The following DNM2 variants were observed in gnomAD, a reference collection of about 807,000 sequenced individuals.
DNM2 encodes dynamin-2.
DNM2 carries 15 observed loss-of-function variants against 99.0 expected under a neutral mutation model. The ratio of observed to expected loss-of-function variants is 0.15; its 90% confidence interval spans 0.10 to 0.23. The LOEUF is 0.23. Ranked by LOEUF, DNM2 falls within the 10% of genes least tolerant of loss-of-function variation. DNM2 has a pLI of 1.00. For synonymous variants in DNM2, 525 were observed against 481.2 expected (o/e 1.09, Z -1.19); for missense variants, 742 against 1,189.4 (o/e 0.62, Z 5.53).
At chr19:10,748,040 CAG>C (rs1180386189) in intron 1 of DNM2, among the ~76,000 whole-genome samples, 4 of 152,184 alleles carry the variant, frequency 2.6e-5, no homozygotes, top group East Asian at 3.9e-4. Context: ...GCCAGCAAGA[CAG>C]AGAGTAGGGG....
chr19:10,721,144 A>G lies in DNM2; in HGVS notation c.161+2741A>G, dbSNP rs150831599. Among the ~76,000 whole-genome samples, 249 of 152,038 alleles carry G rather than the reference A, an allele frequency of 1.6e-3. 1 individual carries two copies. Among genetic ancestry groups the G allele is most frequent in the African/African-American group, 5.4e-3 (226 of 41,476 alleles). ...TGTGGCGACCTCCTAGAATCCTGCA[A>G]TGCAGGAGTTGCTCATTATATATAT... is the stretch of plus-strand genomic sequence containing the variant. On this transcript the variant is annotated intron_variant, in intron 1 of 20. Transcript: ENST00000389253.
At chr19:10,728,403 A>G (rs767196129) in intron 1 of DNM2, among the ~76,000 whole-genome samples, 5 of 152,294 alleles carry the variant, frequency 3.3e-5, no homozygotes, top group Non-Finnish European at 5.9e-5. Flanking sequence ...AGCCACACAT[A>G]TGGCGGCTTT....
intron 16 of DNM2, among the ~76,000 whole-genome samples, chr19:10,821,799 G>A (rs1284982538): frequency 6.6e-6 from 1 of 152,142 alleles, no homozygotes; most frequent in Non-Finnish European, 1.5e-5. Flanking sequence ...CCAAAGTGCT[G>A]GGATTACAGG....
At chr19:10,725,580 C>G (rs1356517960) in intron 1 of DNM2, among the ~76,000 whole-genome samples, 1 of 152,086 alleles carries the variant, frequency 6.6e-6, no homozygotes, top group East Asian at 1.9e-4. Context: ...CTGCCACACA[C>G]CAAAAAAGTG....
intron 1 of DNM2, among the ~76,000 whole-genome samples, chr19:10,745,874 C>G (rs760839580): frequency 6.6e-6 from 1 of 152,202 alleles, no homozygotes; most frequent in Admixed American, 6.5e-5. Flanking sequence ...TGTGGAAATA[C>G]TTGGAGGAGA....
At chr19:10,782,877 T>C (rs2071425764) in intron 5 of DNM2, 83 bp from the exon 6 acceptor site, 23 of 1,591,732 alleles carry the variant, frequency 1.4e-5, no homozygotes, top group Middle Eastern at 1.9e-4. Context: ...GATCCATCTC[T>C]ATACTTGAAT....
intron 13 of DNM2, among the ~76,000 whole-genome samples, chr19:10,806,244 G>A (rs1383030484): frequency 1.3e-5 from 2 of 152,194 alleles, no homozygotes; most frequent in African/African-American, 4.8e-5. Flanking sequence ...TCTTGGCTGG[G>A]CACAGTAGCT....
At chr19:10,787,296 C>A (rs1396564295) in intron 7 of DNM2, among the ~76,000 whole-genome samples, 1 of 151,572 alleles carries the variant, frequency 6.6e-6, no homozygotes, top group Non-Finnish European at 1.5e-5. Context: ...GAAACCCCAT[C>A]ACTACCAAAA....
Position 10,831,817 on chromosome 19 carries a change from C to G in DNM2, c.*770C>G. 2 of 989,020 alleles carry G rather than the reference C, an allele frequency of 2.0e-6. No individual in the cohort carries two copies. Among genetic ancestry groups the G allele is most frequent in the Non-Finnish European group, 2.4e-6 (2 of 832,082 alleles). 61.3% of individuals were successfully genotyped at this position (989,020 alleles called of 1,614,324 possible). ...GCGGCCTCTCTCTGAGGAGACCTCA[C>G]CCACTCCTCGCTCAGTTTGACCACT... On this transcript the variant is annotated 3_prime_UTR_variant, in exon 21 of 21. Transcript: ENST00000389253. This position sits in a 1 kb window ranked among gnomAD's most constrained non-coding sequence, Gnocchi z 4.3.
intron 13 of DNM2, 114 bp from the exon 14 acceptor site, chr19:10,808,455 C>T: frequency 1.7e-6 from 2 of 1,169,842 alleles, no homozygotes; most frequent in Non-Finnish European, 2.4e-6. Flanking sequence ...CTTCTCTTCT[C>T]CTGTTTTTGT....
At chr19:10,791,967 A>T (rs1458827692) in intron 7 of DNM2, among the ~76,000 whole-genome samples, 1 of 152,172 alleles carries the variant, frequency 6.6e-6, no homozygotes, top group Non-Finnish European at 1.5e-5. Flanking sequence ...GGGCACCTGT[A>T]TTCCCAGCTA....
At chr19:10,801,924 A>AT in intron 11 of DNM2, among the ~76,000 whole-genome samples, 1 of 150,516 alleles carries the variant, frequency 6.6e-6, no homozygotes, top group East Asian at 2.0e-4. Flanking sequence ...AAAAAAAAAA[A>AT]CAAAAAAAAC....
At chr19:10,814,679 C>CT (rs1283372842) in intron 15 of DNM2, among the ~76,000 whole-genome samples, 24 of 151,974 alleles carry the variant, frequency 1.6e-4, no homozygotes, top group South Asian at 2.1e-4. Flanking sequence ...GCTCTTCTAC[C>CT]TTTTATTTTT....
chr19:10,800,444 T>C (rs2072095620), intron 11 of DNM2, among the ~76,000 whole-genome samples: 1 of 152,208 alleles, frequency 6.6e-6, no homozygotes, highest in South Asian at 2.1e-4. Context: ...TTGTTGTTAC[T>C]GTTGGTAAGA....
At chr19:10,754,208 A>G (rs1046341906) in intron 1 of DNM2, among the ~76,000 whole-genome samples, 18 of 151,196 alleles carry the variant, frequency 1.2e-4, no homozygotes, top group African/African-American at 4.4e-4. Context: ...GTTCTCCTTG[A>G]CTTGTGACCT....
chr19:10,786,947 A>G (rs2071580908), intron 7 of DNM2, among the ~76,000 whole-genome samples: 2 of 152,242 alleles, frequency 1.3e-5, no homozygotes. Context: ...GAATGGGACA[A>G]AAAACAAGAA....
intron 15 of DNM2, among the ~76,000 whole-genome samples, chr19:10,814,852 A>G (rs1421181138): frequency 6.6e-6 from 1 of 152,074 alleles, no homozygotes; most frequent in African/African-American, 2.4e-5. Context: ...AATTCTCTTG[A>G]CGTAACCATG....
Position 10,811,572 on chromosome 19 carries a change from T to G in DNM2, c.1558-692T>G, listed in dbSNP as rs1226371628. ...GTGCTTCCTGCAGCTCCCAGGGCCC[T>G]CGTCCTGAGTGGGGTGGGGGGCTCT... On this transcript the variant is annotated intron_variant, in intron 14 of 20. Coordinates refer to ENST00000389253, the MANE Select transcript of DNM2 (RefSeq NM_001005361.3). This position sits in a 1 kb window ranked among gnomAD's most constrained non-coding sequence, Gnocchi z 5.4. 2 of 398,000 alleles carry G rather than the reference T, an allele frequency of 5.0e-6. No homozygotes were observed. The highest frequency in any genetic ancestry group is 1.0e-5 in the Non-Finnish European group (2 of 197,036). 24.7% of individuals were successfully genotyped at this position (398,000 alleles called of 1,614,324 possible).
chr19:10,747,745 G>T (rs1318855496), intron 1 of DNM2, among the ~76,000 whole-genome samples: 3 of 152,198 alleles, frequency 2.0e-5, no homozygotes, highest in Non-Finnish European at 4.4e-5. Flanking sequence ...GGATGTTGAG[G>T]TGGGGGCAGG....
Sources: gnomAD v4.1 joint callset for allele counts (sites outside exome capture counted in the v4.1 genomes callset) on GRCh38, gnomAD v4.1.1 for gene constraint, Gnocchi (gnomAD v3.1) non-coding constraint, MANE v1.5 for transcripts, NCBI Gene and HGNC (gene_info 2026-07-23, HGNC 2026-07-21) for gene names.